The following OGT variants were observed in gnomAD, a reference collection of about 807,000 sequenced individuals.
The protein encoded by OGT is UDP-N-acetylglucosamine--peptide N-acetylglucosaminyltransferase 110 kDa subunit.
OGT carries 3 observed loss-of-function variants against 75.8 expected under a neutral mutation model. The ratio of observed to expected loss-of-function variants is 0.04; its 90% CI spans 0.02 to 0.10. The LOEUF is 0.10. OGT is among the 10% of genes least tolerant of loss of function. The pLI, the probability that OGT is intolerant of heterozygous loss-of-function variation, is 1.00. For synonymous variants in OGT, 257 were observed against 289.7 expected, an observed-to-expected ratio of 0.89 and a Z score of 1.15; for missense variants, 260 against 824.4, an observed-to-expected ratio of 0.32 and a Z score of 8.38.
At chrX:71,537,696 T>C in intron 2 of OGT, 133 bp from the exon 3 acceptor site, 1 of 731,702 alleles carries the variant, frequency 1.4e-6, no homozygotes, top group Non-Finnish European at 2.0e-6. Flanking sequence ...TTTCTTGCTA[T>C]GCACTAGTTA....
intron 21 of OGT, among the ~76,000 whole-genome samples, chrX:71,571,269 A>G (rs2040456373): frequency 8.9e-6 from 1 of 112,162 alleles, no homozygotes; most frequent in South Asian, 3.6e-4. Context: ...GCTTTATTAC[A>G]TATCTATTCA....
intron 5 of OGT, among the ~76,000 whole-genome samples, chrX:71,552,732 T>C (rs1174159574): frequency 9.3e-6 from 1 of 107,556 alleles, no homozygotes; most frequent in Non-Finnish European, 1.9e-5. Context: ...TTTTTTCTGT[T>C]AGGTATGATA....
At chrX:71,558,924 C>G (rs2040363173) in intron 12 of OGT, among the ~76,000 whole-genome samples, 1 of 104,667 alleles carries the variant, frequency 9.6e-6, no homozygotes, top group African/African-American at 3.5e-5. Flanking sequence ...CAAGCATGTG[C>G]CACCACGCCC....
chrX:71,547,639 A>T, intron 4 of OGT: 1 of 984,839 alleles, frequency 1.0e-6, no homozygotes, highest in South Asian at 2.9e-5. Flanking sequence ...TCCCAGTGTA[A>T]GGGTTGGTCT....
chrX:71,556,859 A>G, intron 9 of OGT, 79 bp downstream of exon 9: 1 of 1,071,493 alleles, frequency 9.3e-7, no homozygotes, highest in African/African-American at 1.8e-5. Context: ...TGCAGATGCT[A>G]AAATGGCTTT....
At chrX:71,543,764 GTGTA>G (rs1459322188) in intron 3 of OGT, among the ~76,000 whole-genome samples, 1,244 of 60,898 alleles carry the variant, frequency 0.02, 11 homozygotes, top group African/African-American at 0.11. Context: ...GTGTGTGTGT[GTGTA>G]TATATATATA....
At chrX:71,536,114 G>T (rs1475940190) in intron 1 of OGT, 64 bp from the exon 2 acceptor site, 51 of 975,476 alleles carry the variant, frequency 5.2e-5, no homozygotes, top group Non-Finnish European at 6.3e-5. Context: ...ACATTTTTTT[G>T]GTTTACATTT....
intron 19 of OGT, among the ~76,000 whole-genome samples, chrX:71,565,741 C>T (rs915772127): frequency 1.8e-5 from 2 of 112,259 alleles, no homozygotes; most frequent in African/African-American, 3.2e-5. Flanking sequence ...TCAGCTTTGC[C>T]GTTGTAGCAC....
Position 71,574,142 on chromosome X carries a change from C to T in OGT, c.*348C>T, listed in dbSNP as rs1489534285. On this transcript the variant is annotated 3_prime_UTR_variant, in exon 22 of 22. Transcript: ENST00000373719. ...TGATTCCATGGATTGATTCAGTCTT[C>T]TGGATTTTTTTTTCTTTATATTTTG... 7.8e-6 allele frequency: 1 copy of T among 128,474 alleles called. No homozygotes were observed. The highest frequency in any genetic ancestry group is 1.6e-5 in the Non-Finnish European group (1 of 64,454). 10.6% of individuals were successfully genotyped at this position (128,474 alleles called of 1,213,427 possible). A position where few individuals can be genotyped will look rare whatever the true frequency, so the allele number is the denominator to read the frequency against.
chrX:71,564,421 GCAGTCTCCCCCAACTTAAGA>G (rs2040403315), intron 18 of OGT, among the ~76,000 whole-genome samples, 160 bp from the exon 19 acceptor site: 1 of 112,111 alleles, frequency 8.9e-6, no homozygotes, highest in Non-Finnish European at 1.9e-5. Context: ...GTTTCATAGT[GCAGTCTCCCCCAACTTAAGA>G]TAATGCTGCA....
intron 3 of OGT, among the ~76,000 whole-genome samples, chrX:71,543,736 G>GTT (rs2040237500): frequency 3.8e-5 from 2 of 53,022 alleles, no homozygotes; most frequent in Non-Finnish European, 5.7e-5. Flanking sequence ...TATTTGAGAT[G>GTT]TGTGTGTGTG....
chrX:71,547,853 C>T, intron 4 of OGT, 54 bp from the exon 5 acceptor site: 2 of 1,016,228 alleles, frequency 2.0e-6, no homozygotes, highest in Non-Finnish European at 2.6e-6. Flanking sequence ...ACAAATTTTC[C>T]CCTTTCCCTT....
At position 71,563,365 on chromosome X, in the gene OGT, A is replaced by G. The variant is rs2147689964; in HGVS notation, c.2302A>G (p.Ser768Gly). ...CPDGGDNADS[S>G]NTALNMPVIP... ...TGATGGAGGAGACAATGCAGATAGC[A>G]GTAACACAGCTCTTAATATGCCTGT... is the stretch of plus-strand genomic sequence containing the variant. Residue 768 changes from serine (S) to glycine (G), a missense_variant, in exon 18 of 22, where the codon AGT (serine) becomes GGT (glycine). Around this residue, in one of 6 missense-constraint regions of OGT, gnomAD observed 79 missense variants for 141.0 expected, o/e 0.56. Transcript: ENST00000373719. 1 of 1,207,568 alleles carries G rather than the reference A, an allele frequency of 8.3e-7. No homozygotes were observed. The highest frequency in any genetic ancestry group is 1.1e-6 in the Non-Finnish European group (1 of 892,025).
rs1015487226 is a variant in OGT at position 71,561,634 on chromosome X, A to G, written c.1852-141A>G. The G allele has an allele frequency of 4.3e-5, 19 of 445,719 alleles. No homozygotes were observed. The African/African-American group carries it at 4.4e-4, about 10-fold the overall frequency. 36.7% of individuals were successfully genotyped at this position (445,719 alleles called of 1,213,427 possible). ...ATTTGTGCCCGAATTAATGTAGTTA[A>G]TTTGTGTTCTTACCTCTTTTCCATC... On this transcript the variant is annotated intron_variant, in intron 14 of 21. Coordinates refer to ENST00000373719, the MANE Select transcript of OGT (RefSeq NM_181672.3).
At position 71,546,660 on chromosome X, in the gene OGT, T is replaced by C. The variant is rs777235902; in HGVS notation, c.532-1247T>C. 2.8e-5 allele frequency: 20 copies of C among 717,218 alleles called. No homozygotes were observed. The African/African-American group carries it at 3.2e-4, about 12-fold the overall frequency. 59.1% of individuals were successfully genotyped at this position (717,218 alleles called of 1,213,427 possible). A position where few individuals can be genotyped will look rare whatever the true frequency, so the allele number is the denominator to read the frequency against. On this transcript the variant is annotated intron_variant, in intron 4 of 21. Transcript: ENST00000373719. ...AAAGATAAGTAAAAGTTAATTGATA[T>C]TAAAAATTATTAGAGATAATTTACT...
chrX:71,536,897 A>G (rs1428125710), intron 2 of OGT: 1 of 172,616 alleles, frequency 5.8e-6, no homozygotes, highest in African/African-American at 3.2e-5. Context: ...CTTAAATGGA[A>G]AATGAGACTC....
rs746108436 is a variant in OGT at position 71,563,532 on chromosome X, C to T, written c.2436+33C>T. The T allele has an allele frequency of 7.5e-6, 8 of 1,071,473 alleles. No individual in the cohort carries two copies. The East Asian group carries it at 9.1e-5, about 12-fold the overall frequency. The allele number at this position is 1,071,473 out of a possible 1,213,427, so 88.3% of individuals were successfully genotyped here. A position where few individuals can be genotyped will look rare whatever the true frequency, so the allele number is the denominator to read the frequency against. ...GATAATAATACACCATTATATGTCC[C>T]GCCAAGTATGCATTTATTTCCCTTA... On this transcript the variant is annotated intron_variant, in intron 18 of 21. Transcript: ENST00000373719.
rs149257660 is a variant in OGT, at chrX:71,550,497, C to T, written c.648+2474C>T. On this transcript the variant is annotated intron_variant, in intron 5 of 21. Coordinates refer to ENST00000373719, the MANE Select transcript of OGT (RefSeq NM_181672.3). ...CTCCTGGGCTCAAGTGATCCTCCCA[C>T]CTTGGTCTCCCCAAGTGATAGGATT... is the stretch of plus-strand genomic sequence containing the variant. Among the ~76,000 whole-genome samples, 608 of 111,488 alleles carry T rather than the reference C, an allele frequency of 5.5e-3. 4 individuals carry two copies. The highest frequency in any genetic ancestry group is 0.019 in the African/African-American group (576 of 30,674).
chrX:71,550,272 A>G (rs1319828480), intron 5 of OGT, among the ~76,000 whole-genome samples: 2 of 112,756 alleles, frequency 1.8e-5, no homozygotes, highest in African/African-American at 6.4e-5. Context: ...GATGATAGCT[A>G]TACTAACAAG....
Sources: gnomAD v4.1 joint callset for allele counts (sites outside exome capture counted in the v4.1 genomes callset) on GRCh38, gnomAD v4.1.1 for gene constraint, gnomAD v4.1.1 regional missense constraint, MANE v1.5 for transcripts, NCBI Gene and HGNC (gene_info 2026-07-23, HGNC 2026-07-21) for gene names.